The following ODAD4 variants were observed in gnomAD, a reference collection of about 807,000 sequenced individuals.
ODAD4 encodes outer dynein arm-docking complex subunit 4.
Under a neutral mutation model 51.8 loss-of-function variants are expected in ODAD4, and 49 were observed. The ratio of observed to expected loss-of-function variants is 0.95; its 90% confidence interval spans 0.75 to 1.20. The LOEUF is 1.20. Ranked by LOEUF, ODAD4 falls within the 50% of genes most tolerant of loss-of-function variation. The probability of loss-of-function intolerance (pLI) is 0.00; values close to 1 mark genes in which losing one functional copy is unlikely to be tolerated. For synonymous variants in ODAD4, 235 were observed against 221.3 expected (o/e 1.06, Z -0.55); for missense variants, 590 against 586.5 (o/e 1.01, Z -0.06).
chr17:41,961,321 T>C, intron 10 of ODAD4, 61 bp from the exon 11 acceptor site: 3 of 709,854 alleles, frequency 4.2e-6, no homozygotes, highest in Non-Finnish European at 5.2e-6. Flanking sequence ...TTGATCTGGG[T>C]GGGGAAAATT....
At chr17:41,961,007 C>G (rs1019211238) in intron 10 of ODAD4, among the ~76,000 whole-genome samples, 1 of 152,174 alleles carries the variant, frequency 6.6e-6, no homozygotes, top group East Asian at 1.9e-4. Context: ...GTTTCTGGGT[C>G]TTTTCAGTGC....
At position 41,945,174 on chromosome 17, in the gene ODAD4, T is replaced by C. The variant is rs782147284; in HGVS notation, c.1097T>C (p.Ile366Thr). 1.4e-5 allele frequency: 22 copies of C among 1,613,308 alleles called. No homozygotes were observed. The highest frequency in any genetic ancestry group is 5.3e-5 in the African/African-American group (4 of 74,920). The change falls in exon 8 of 12, where the codon ATT becomes ACT. Residue 366 changes from isoleucine (I) to threonine (T), a missense_variant. Physicochemically the swap from Ile to Thr is moderately conservative, Grantham distance 89. This residue lies in a region of ODAD4 where 226 missense variants were observed against 162.7 expected (regional missense o/e 1.39). Transcript: ENST00000377540. Reference protein sequence around the residue: ...PDAKSRALDNIGRVFARVGKF... With the variant: ...PDAKSRALDNTGRVFARVGKF... ...GCAAAATCGAGAGCCCTTGACAACA[T>C]TGGCAGAGTTTTTGCCAGAGTTGGG... is the stretch of plus-strand genomic sequence containing the variant.
chr17:41,936,411 A>T (rs2050427203), intron 3 of ODAD4, 62 bp from the exon 4 acceptor site: 1 of 1,228,322 alleles, frequency 8.1e-7, no homozygotes, highest in Non-Finnish European at 1.2e-6. Context: ...CTACATAAAA[A>T]TATGTGATAA....
intron 11 of ODAD4, among the ~76,000 whole-genome samples, chr17:41,962,816 C>T (rs956598397): frequency 6.6e-6 from 1 of 152,228 alleles, no homozygotes; most frequent in Non-Finnish European, 1.5e-5. Flanking sequence ...GGCTGGAGGT[C>T]CGGGAGGACA....
rs1229776801 is a variant in ODAD4, at chr17:41,949,215, T to G, written c.1208T>G (p.Ile403Ser). 1.0e-5 allele frequency: 4 copies of G among 398,178 alleles called. No individual in the cohort carries two copies. The Admixed American group carries it at 1.3e-4, about 13-fold the overall frequency. The allele number at this position is 398,178 out of a possible 1,614,324, so 24.7% of individuals were successfully genotyped here. The change falls in exon 9 of 12, where the codon ATC becomes AGC. Residue 403 changes from isoleucine to serine, a missense_variant. This residue lies in a region of ODAD4 where 226 missense variants were observed against 162.7 expected (regional missense o/e 1.39). Transcript: ENST00000377540. ...TLEKTWLFHEIGRCYLELDQA... is the reference protein window; with the variant it reads ...TLEKTWLFHESGRCYLELDQA... ...GAGAAGACCTGGCTGTTCCACGAGA[T>G]CGGCCGCTGCTACTTGGAGCTGGAC...
intron 7 of ODAD4, among the ~76,000 whole-genome samples, chr17:41,941,876 T>G (rs1370897722): frequency 3.3e-5 from 5 of 152,132 alleles, no homozygotes; most frequent in African/African-American, 9.7e-5. Flanking sequence ...CCTGTTAGAC[T>G]TTGGACTTTG....
chr17:41,947,183 C>T (rs1046227943), intron 8 of ODAD4, among the ~76,000 whole-genome samples: 3 of 150,272 alleles, frequency 2.0e-5, no homozygotes, highest in Non-Finnish European at 4.4e-5. Context: ...TAATAATAAG[C>T]GCAGGCCAGG....
At chr17:41,942,479 T>C (rs1555638819) in intron 7 of ODAD4, among the ~76,000 whole-genome samples, 1 of 152,332 alleles carries the variant, frequency 6.6e-6, no homozygotes, top group Non-Finnish European at 1.5e-5. Context: ...TTATGAAAAA[T>C]GGACATATTA....
chr17:41,962,793 T>C lies in ODAD4; in HGVS notation c.1528+1327T>C, dbSNP rs8075148. ...AGCTCTCACTCCAGCCAGACTGCAG[T>C]GAACAGAGCTGGGGCTGGAGGTCCG... is the stretch of plus-strand genomic sequence containing the variant. On this transcript the variant is annotated intron_variant, in intron 11 of 11. Transcript: ENST00000377540. Among the ~76,000 whole-genome samples the C allele has an allele frequency of 1.5e-3, 232 of 152,300 alleles. 1 individual carries two copies. Among genetic ancestry groups the C allele is most frequent in the African/African-American group, 5.2e-3 (215 of 41,566 alleles).
chr17:41,952,090 G>A (rs1217480243), intron 9 of ODAD4, among the ~76,000 whole-genome samples: 3 of 150,990 alleles, frequency 2.0e-5, no homozygotes, highest in African/African-American at 4.9e-5. Flanking sequence ...AAATTAGGGC[G>A]GGGCACAGTG....
chr17:41,937,034 T>C, intron 5 of ODAD4, 107 bp downstream of exon 5: 1 of 1,339,736 alleles, frequency 7.5e-7, no homozygotes, highest in South Asian at 1.4e-5. Flanking sequence ...AGCTGACGTG[T>C]ACCTGTGGAC....
intron 1 of ODAD4, among the ~76,000 whole-genome samples, chr17:41,932,969 T>C (rs933287040): frequency 3.3e-5 from 5 of 152,230 alleles, no homozygotes; most frequent in Non-Finnish European, 5.9e-5. Context: ...CCCTGTAGTT[T>C]TGAGACTTCC....
chr17:41,960,697 C>T (rs1260920602), intron 10 of ODAD4, among the ~76,000 whole-genome samples: 1 of 152,168 alleles, frequency 6.6e-6, no homozygotes, highest in Admixed American at 6.5e-5. Flanking sequence ...CCTCACCCTC[C>T]TGGATTGGCA....
intron 9 of ODAD4, among the ~76,000 whole-genome samples, chr17:41,950,451 C>T (rs1417836361): frequency 6.6e-6 from 1 of 150,734 alleles, no homozygotes; most frequent in Non-Finnish European, 1.5e-5. Context: ...GGCGCGATCT[C>T]AGCTCACTGC....
Position 41,938,707 on chromosome 17 carries a change from GGCT to G in ODAD4, c.779_781del (p.Leu260del). The G allele has an allele frequency of 1.2e-6, 2 of 1,613,890 alleles. No individual in the cohort carries two copies. Among genetic ancestry groups the G allele is most frequent in the Non-Finnish European group, 1.7e-6 (2 of 1,179,892 alleles). On this transcript the variant is annotated inframe_deletion, in exon 6 of 12. Transcript: ENST00000377540. Reference sequence around the variant, plus strand: ...GACCGGAAGCTGATGCAAGAGAAATGGCTGCGGGACCACAAACGCCGTCCCTCA... The same window carrying G: ...GACCGGAAGCTGATGCAAGAGAAATGGCGGGACCACAAACGCCGTCCCTCA...
Position 41,949,135 on chromosome 17 carries a change from G to T in ODAD4, c.1146-18G>T. ...GGTTTTGGGGGATGAAGCTGACTCT[G>T]GTTCTTCATGTCCCCAGGTGGGAAG... is the stretch of plus-strand genomic sequence containing the variant. On this transcript the variant is annotated intron_variant, in intron 8 of 11. Coordinates refer to ENST00000377540, the MANE Select transcript of ODAD4 (RefSeq NM_031421.5). The T allele has an allele frequency of 2.5e-6, 1 of 398,482 alleles. No homozygotes were observed. The highest frequency in any genetic ancestry group is 1.3e-4 in the South Asian group (1 of 7,810). 24.7% of individuals were successfully genotyped at this position (398,482 alleles called of 1,614,324 possible). A position where few individuals can be genotyped will look rare whatever the true frequency, so the allele number is the denominator to read the frequency against.
At chr17:41,956,491 T>TTG (rs2050735394) in intron 10 of ODAD4, among the ~76,000 whole-genome samples, 2 of 149,824 alleles carry the variant, frequency 1.3e-5, no homozygotes, top group South Asian at 4.3e-4. Context: ...CGGCCTTTTT[T>TTG]TTTTTTTTTT....
intron 7 of ODAD4, among the ~76,000 whole-genome samples, chr17:41,939,482 A>G (rs1598074578): frequency 1.3e-5 from 2 of 152,356 alleles, no homozygotes. Flanking sequence ...GACATGCCAG[A>G]TGCTGCTAGT....
At chr17:41,941,209 T>G (rs2050500414) in intron 7 of ODAD4, among the ~76,000 whole-genome samples, 2 of 152,224 alleles carry the variant, frequency 1.3e-5, no homozygotes, top group African/African-American at 4.8e-5. Context: ...CTTCCTACAG[T>G]TCAGCTGTCC....
Sources: gnomAD v4.1 joint callset for allele counts (sites outside exome capture counted in the v4.1 genomes callset) on GRCh38, gnomAD v4.1.1 for gene constraint, gnomAD v4.1.1 regional missense constraint, MANE v1.5 for transcripts, NCBI Gene and HGNC (gene_info 2026-07-23, HGNC 2026-07-21) for gene names.